ANK2: variants seen among roughly 807,000 people sequenced by gnomAD.
ANK2 encodes the protein ankyrin 2, also known as ankyrin-2.
A neutral mutation model predicts 360.5 loss-of-function variants in ANK2; 83 were observed. The ratio of observed to expected loss-of-function variants is 0.23; its 90% CI spans 0.19 to 0.28. The LOEUF is 0.28. Among genes scored for constraint, ANK2 ranks in the 10% least tolerant of loss-of-function variants. ANK2 has a pLI of 1.00. For missense variants in ANK2, 4,201 were observed against 4,795.7 expected (o/e 0.88, Z 3.66); for synonymous variants, 1,740 against 1,759.5 (o/e 0.99, Z 0.28).
Position 113,232,248 on chromosome 4 carries a change from A to G in ANK2, c.472A>G (p.Thr158Ala). 1 of 1,583,530 alleles carries G rather than the reference A, an allele frequency of 6.3e-7. No homozygotes were observed. Among genetic ancestry groups the G allele is most frequent in the Non-Finnish European group, 8.7e-7 (1 of 1,152,390 alleles). The change falls in exon 5 of 46, where the codon ACT (threonine) becomes GCT (alanine). Residue 158 changes from threonine to alanine, a missense_variant. Physicochemically the swap from Thr to Ala is moderately conservative, Grantham distance 58 (BLOSUM62 0). This residue lies in a region of ANK2 where 169 missense variants were observed against 191.1 expected (regional missense o/e 0.88). Transcript: ENST00000357077. ...YLLENGANQS[T>A]ATEDGFTPLA... is the part of the protein sequence containing the mutation. ...GCTGGAAAATGGAGCTAATCAGAGC[A>G]CTGCTACAGAGGTAAGACTGTCAGC... is the stretch of plus-strand genomic sequence containing the variant.
chr4:112,774,845 A>G, the ANK2 span, among the ~76,000 whole-genome samples: 3 of 152,334 alleles, frequency 2.0e-5, no homozygotes, highest in East Asian at 3.9e-4. Context: ...TTTATAGACA[A>G]TGGGAAATTT....
Position 112,863,677 on chromosome 4 carries a change from C to T in ANK2, c.-39-40778C>T, listed in dbSNP as rs538350267. Among the ~76,000 whole-genome samples, 307 of 152,048 alleles carry T rather than the reference C, an allele frequency of 2.0e-3. 1 individual carries two copies. The highest frequency in any genetic ancestry group is 6.7e-3 in the African/African-American group (276 of 41,496). ...AGCCGGGACTGCAGGCGCCAGCCAC[C>T]ACGCCCGGCTAATTTTTTGTATTTT... On this transcript the variant is annotated intron_variant, in intron 1 of 30. Coordinates refer to the ANK2 transcript ENST00000503271.
At chr4:112,745,003 C>A in the ANK2 span, among the ~76,000 whole-genome samples, 1 of 152,260 alleles carries the variant, frequency 6.6e-6, no homozygotes, top group Non-Finnish European at 1.5e-5. Context: ...GATTTGTAAG[C>A]CCTTTTTCTC....
At chr4:112,987,327 C>T (rs1437363152) in intron 2 of ANK2, among the ~76,000 whole-genome samples, 5 of 152,152 alleles carry the variant, frequency 3.3e-5, no homozygotes, top group African/African-American at 1.2e-4. Context: ...GGTGGCCGTG[C>T]AGCCTGGTGA....
chr4:113,063,508 T>C (rs2074389011), intron 1 of ANK2, among the ~76,000 whole-genome samples: 1 of 152,122 alleles, frequency 6.6e-6, no homozygotes, highest in Admixed American at 6.6e-5. Flanking sequence ...TTAGTATATT[T>C]TATGTGGACA....
chr4:112,983,775 A>G (rs1324454992), intron 2 of ANK2, among the ~76,000 whole-genome samples: 2 of 152,194 alleles, frequency 1.3e-5, no homozygotes, highest in Non-Finnish European at 2.9e-5. Context: ...GATGAATAAA[A>G]TAGAAGGTAG....
intron 1 of ANK2, among the ~76,000 whole-genome samples, chr4:113,115,533 C>T (rs2154368190): frequency 1.3e-5 from 2 of 152,200 alleles, no homozygotes; most frequent in Middle Eastern, 6.8e-3. Context: ...GTGCTAGGTT[C>T]TCTGTACTAC....
At chr4:113,218,451 C>CA (rs36042626) in intron 4 of ANK2, among the ~76,000 whole-genome samples, 61,913 of 134,320 alleles carry the variant, frequency 0.46, 13,280 homozygotes, top group Non-Finnish European at 0.5. Context: ...ATTAAATGAC[C>CA]AAAAAAAAAA....
intron 43 of ANK2, among the ~76,000 whole-genome samples, chr4:113,372,119 C>A (rs956723032): frequency 2.0e-5 from 3 of 152,134 alleles, no homozygotes; most frequent in Non-Finnish European, 4.4e-5. Context: ...TATTCCTATA[C>A]CTTTGGGTGA....
intron 2 of ANK2, among the ~76,000 whole-genome samples, chr4:112,923,949 A>T (rs1327090165): frequency 2.6e-5 from 4 of 152,340 alleles, no homozygotes; most frequent in South Asian, 4.1e-4. Context: ...TTGGAAGATA[A>T]TTCTATAAGT....
At chr4:113,045,664 C>T (rs755745438), upstream of ANK2, among the ~76,000 whole-genome samples, 1 of 152,160 alleles carries the variant, frequency 6.6e-6, no homozygotes, top group Non-Finnish European at 1.5e-5. Flanking sequence ...TCTCTGTTCT[C>T]ATGGAGCTTC....
Position 112,823,631 on chromosome 4 carries a change from T to C in ANK2, c.-40+5367T>C, listed in dbSNP as rs143743871. 7.5e-3 allele frequency among the ~76,000 whole-genome samples: 1,140 copies of C among 152,134 alleles called. 9 individuals are homozygous for C. Among genetic ancestry groups the C allele is most frequent in the African/African-American group, 0.026 (1,087 of 41,450 alleles). On this transcript the variant is annotated intron_variant, in intron 1 of 30. Transcript: ENST00000503271. ...ATAGCTGCTGTACTAATTGTAAATT[T>C]CACTCTTTGAGGTCTTGGGTGCCTT...
intron 1 of ANK2, among the ~76,000 whole-genome samples, chr4:112,886,078 G>A (rs779719398): frequency 1.2e-4 from 19 of 152,080 alleles, no homozygotes; most frequent in Non-Finnish European, 2.6e-4. Flanking sequence ...TTTGCAAGGC[G>A]GGTCTTTAGA....
chr4:113,369,899 A>G, intron 43 of ANK2, 94 bp downstream of exon 43: 2 of 1,542,902 alleles, frequency 1.3e-6, no homozygotes, highest in East Asian at 4.5e-5. Flanking sequence ...TTGCACTTCA[A>G]AACAAAAAAG....
In ANK2 at chr4:112,950,367, G is replaced by T. The variant is rs1305149774; in HGVS notation, c.21+45853G>T. 2.0e-5 allele frequency among the ~76,000 whole-genome samples: 3 copies of T among 152,190 alleles called. No individual in the cohort carries two copies. In the South Asian group the frequency reaches 6.2e-4, roughly 32 times the overall value. ...TTAAGAAAGGTTAAAAAGTAAGGCT[G>T]GGTGCGGTGGCTCACGCCCGTAATC... is the stretch of plus-strand genomic sequence containing the variant. On this transcript the variant is annotated intron_variant, in intron 2 of 30. Transcript: ENST00000503271.
At chr4:113,011,225 G>A (rs2054610152) in intron 2 of ANK2, among the ~76,000 whole-genome samples, 1 of 152,004 alleles carries the variant, frequency 6.6e-6, no homozygotes, top group South Asian at 2.1e-4. Context: ...GGTTATTCAG[G>A]TGAGATAAAA....
chr4:112,967,975 T>C (rs1349622826), intron 2 of ANK2, among the ~76,000 whole-genome samples: 2 of 152,180 alleles, frequency 1.3e-5, no homozygotes, highest in Non-Finnish European at 2.9e-5. Flanking sequence ...TTTTTCCTGG[T>C]ATTTGATAGT....
At chr4:113,228,050 T>C (rs1039097601) in intron 4 of ANK2, among the ~76,000 whole-genome samples, 1 of 152,232 alleles carries the variant, frequency 6.6e-6, no homozygotes, top group African/African-American at 2.4e-5. Flanking sequence ...CTGGAAGTTG[T>C]AGCACACCAG....
At chr4:113,271,728 A>G (rs1228643771) in intron 14 of ANK2, among the ~76,000 whole-genome samples, 1 of 152,222 alleles carries the variant, frequency 6.6e-6, no homozygotes, top group Non-Finnish European at 1.5e-5. Context: ...CCATATACTC[A>G]TAATAACATC....
Sources: gnomAD v4.1 joint callset for allele counts (sites outside exome capture counted in the v4.1 genomes callset) on GRCh38, gnomAD v4.1.1 for gene constraint, gnomAD v4.1.1 regional missense constraint, MANE v1.5 for transcripts, NCBI Gene and HGNC (gene_info 2026-07-23, HGNC 2026-07-21) for gene names.